The following NR5A2 variants were observed in gnomAD, a reference collection of about 807,000 sequenced individuals.
NR5A2 encodes the protein CYP7A promoter-binding factor.
Under a neutral mutation model 62.7 loss-of-function variants are expected in NR5A2, and 26 were observed. That is an observed-to-expected ratio of 0.41 (90% CI 0.30 to 0.58). The LOEUF is 0.58. NR5A2 is among the 20% of genes least tolerant of loss of function. The pLI, the probability that NR5A2 is intolerant of heterozygous loss-of-function variation, is 0.22. For missense variants in NR5A2, 541 were observed against 669.1 expected (o/e 0.81, Z 2.11); for synonymous variants, 246 against 241.7 (o/e 1.02, Z -0.16).
intron 7 of NR5A2, among the ~76,000 whole-genome samples, chr1:200,146,921 G>A (rs76164055): frequency 2.0e-5 from 3 of 151,364 alleles, no homozygotes; most frequent in East Asian, 3.9e-4. Flanking sequence ...GATAGAGAAC[G>A]GAAAATGTAT....
intron 5 of NR5A2, among the ~76,000 whole-genome samples, chr1:200,050,952 A>T (rs1662601192): frequency 6.6e-6 from 1 of 152,184 alleles, no homozygotes; most frequent in Admixed American, 6.5e-5. Flanking sequence ...AATGTGCAGA[A>T]TCTACATAAT....
chr1:200,064,007 G>A (rs1334893932), intron 5 of NR5A2, among the ~76,000 whole-genome samples: 1 of 152,058 alleles, frequency 6.6e-6, no homozygotes, highest in South Asian at 2.1e-4. Flanking sequence ...AAAGTAGCTG[G>A]GTATGGTGGC....
At chr1:200,126,204 G>C (rs934392727) in intron 7 of NR5A2, among the ~76,000 whole-genome samples, 1 of 152,126 alleles carries the variant, frequency 6.6e-6, no homozygotes, top group South Asian at 2.1e-4. Context: ...GTATTTCTAA[G>C]GCAGAGCAGA....
chr1:200,158,745 T>C (rs1653497245), intron 7 of NR5A2, among the ~76,000 whole-genome samples: 1 of 152,166 alleles, frequency 6.6e-6, no homozygotes, highest in Admixed American at 6.5e-5. Flanking sequence ...CGAAGTAGCA[T>C]AGAGTTCAAG....
intron 5 of NR5A2, among the ~76,000 whole-genome samples, chr1:200,070,927 T>A (rs1197757105): frequency 6.6e-6 from 1 of 152,150 alleles, no homozygotes. Flanking sequence ...TCTGGAAGAA[T>A]CTGCAGGGAA....
intron 7 of NR5A2, among the ~76,000 whole-genome samples, chr1:200,128,124 C>G (rs1376647202): frequency 6.6e-6 from 1 of 151,970 alleles, no homozygotes. Flanking sequence ...GTTCCAGCAC[C>G]CCTGTTTATA....
At chr1:200,040,994 G>T (rs1662043390) in intron 2 of NR5A2, among the ~76,000 whole-genome samples, 1 of 152,178 alleles carries the variant, frequency 6.6e-6, no homozygotes, top group African/African-American at 2.4e-5. Context: ...TGTGGGTCTG[G>T]CTGCTATGGG....
chr1:200,159,276 T>C (rs1278429494), intron 7 of NR5A2, among the ~76,000 whole-genome samples: 2 of 152,210 alleles, frequency 1.3e-5, no homozygotes, highest in African/African-American at 4.8e-5. Context: ...GTTTCCAATT[T>C]CTGTTTAAAT....
intron 5 of NR5A2, among the ~76,000 whole-genome samples, chr1:200,089,033 C>CTCT (rs1218760443): frequency 6.6e-6 from 1 of 152,130 alleles, no homozygotes; most frequent in Non-Finnish European, 1.5e-5. Flanking sequence ...TTCTAGTTTT[C>CTCT]TCTTATTGGT....
chr1:200,162,412 G>T (rs962321729), intron 7 of NR5A2, among the ~76,000 whole-genome samples: 21 of 152,186 alleles, frequency 1.4e-4, no homozygotes, highest in Non-Finnish European at 2.2e-4. Context: ...GAAACTGAAA[G>T]AAGTTGGTGG....
intron 1 of NR5A2, among the ~76,000 whole-genome samples, chr1:200,030,843 T>C (rs1221914781): frequency 6.6e-6 from 1 of 152,226 alleles, no homozygotes; most frequent in East Asian, 1.9e-4. Context: ...TGATACACAG[T>C]GCAAACACTG....
At chr1:200,132,621 C>A (rs548821906) in intron 7 of NR5A2, among the ~76,000 whole-genome samples, 1 of 152,298 alleles carries the variant, frequency 6.6e-6, no homozygotes, top group African/African-American at 2.4e-5. Flanking sequence ...TTCAGTTTCC[C>A]AACTCCTCTG....
intron 7 of NR5A2, among the ~76,000 whole-genome samples, chr1:200,123,992 C>T (rs1245939312): frequency 6.6e-6 from 1 of 151,554 alleles, no homozygotes; most frequent in Non-Finnish European, 1.5e-5. Context: ...TTAGTAGAGA[C>T]GGGGTTTCTC....
At chr1:200,143,825 A>G (rs1243846576) in intron 7 of NR5A2, among the ~76,000 whole-genome samples, 1 of 151,670 alleles carries the variant, frequency 6.6e-6, no homozygotes, top group Non-Finnish European at 1.5e-5. Flanking sequence ...TATTTTTAGT[A>G]GAGACAGTTT....
intron 2 of NR5A2, chr1:200,042,899 G>T (rs1057077290): frequency 9.1e-6 from 9 of 985,484 alleles, no homozygotes; most frequent in African/African-American, 1.7e-5. Flanking sequence ...ACCCGATCCC[G>T]GCAGTGAGCC....
At chr1:200,110,578 G>A (rs1425641738) in intron 5 of NR5A2, among the ~76,000 whole-genome samples, 2 of 152,120 alleles carry the variant, frequency 1.3e-5, no homozygotes, top group Non-Finnish European at 2.9e-5. Context: ...TGGCAAAATT[G>A]TCCAAATTAT....
chr1:200,034,423 T>C (rs898968341), intron 1 of NR5A2, among the ~76,000 whole-genome samples: 1 of 152,182 alleles, frequency 6.6e-6, no homozygotes, highest in Non-Finnish European at 1.5e-5. Context: ...GGGCACCGAC[T>C]ATACCCTGGC....
intron 7 of NR5A2, among the ~76,000 whole-genome samples, chr1:200,123,894 T>G (rs1392634833): frequency 6.6e-6 from 1 of 151,634 alleles, no homozygotes; most frequent in East Asian, 2.0e-4. Flanking sequence ...CTCCGCCTCC[T>G]GGGTTCAAGT....
rs776467856 is a variant in NR5A2, at chr1:200,045,603, C to T, written c.463+19C>T. On this transcript the variant is annotated intron_variant, in intron 4 of 7. Coordinates refer to ENST00000367362, the MANE Select transcript of NR5A2 (RefSeq NM_205860.3). ...CTAGAAGGTAAGATTCTTCTAAAGA[C>T]TACTGCCTATTAAAACTCTCCAAGG... 2.0e-4 allele frequency: 317 copies of T among 1,596,586 alleles called. 3 individuals carry two copies. The South Asian group carries it at 3.3e-3, about 17-fold the overall frequency.
Sources: gnomAD v4.1 joint callset for allele counts (sites outside exome capture counted in the v4.1 genomes callset) on GRCh38, gnomAD v4.1.1 for gene constraint, MANE v1.5 for transcripts, NCBI Gene and HGNC (gene_info 2026-07-23, HGNC 2026-07-21) for gene names.